CYTIP: variants seen among roughly 807,000 people sequenced by gnomAD.
The protein encoded by CYTIP is cytohesin 1 interacting protein, also known as cytohesin-interacting protein.
Under a neutral mutation model 43.8 loss-of-function variants are expected in CYTIP, and 26 were observed. That is an observed-to-expected ratio of 0.59 (90% confidence interval 0.44 to 0.82). The LOEUF is 0.82. Among genes scored for constraint, CYTIP ranks in the 40% least tolerant of loss-of-function variants. The pLI, the probability that CYTIP is intolerant of heterozygous loss-of-function variation, is 0.00. For missense variants in CYTIP, 426 were observed against 443.1 expected (o/e 0.96, Z 0.35); for synonymous variants, 162 against 162.9 (o/e 0.99, Z 0.04).
rs1685411904 is a variant in CYTIP at position 157,414,720 on chromosome 2, T to C, written c.*957A>G. ...AGAACAGAGAATTCATAGACTTCAATGGATATTAAATAAAACATGGAGTAA... is the reference window on the plus strand; with the variant it reads ...AGAACAGAGAATTCATAGACTTCAACGGATATTAAATAAAACATGGAGTAA... On this transcript the variant is annotated 3_prime_UTR_variant, in exon 8 of 8. Transcript: ENST00000264192. 1 of 152,064 alleles carries C rather than the reference T, an allele frequency of 6.6e-6. No homozygotes were observed. The highest frequency in any genetic ancestry group is 2.1e-4 in the South Asian group (1 of 4,826). 9.4% of individuals were successfully genotyped at this position (152,064 alleles called of 1,614,324 possible).
At chr2:157,431,525 C>T (rs180840879) in intron 3 of CYTIP, among the ~76,000 whole-genome samples, 8 of 152,236 alleles carry the variant, frequency 5.3e-5, no homozygotes, top group Admixed American at 3.3e-4. Context: ...GAATCCTCAC[C>T]GGTTCATTAG....
At chr2:157,424,408 C>T (rs1490163263) in intron 6 of CYTIP, among the ~76,000 whole-genome samples, 1 of 151,934 alleles carries the variant, frequency 6.6e-6, no homozygotes, top group African/African-American at 2.4e-5. Context: ...GACCTATATG[C>T]ATAAAATTAT....
At chr2:157,427,711 T>C (rs1000764716) in intron 5 of CYTIP, among the ~76,000 whole-genome samples, 1 of 152,248 alleles carries the variant, frequency 6.6e-6, no homozygotes, top group Non-Finnish European at 1.5e-5. Context: ...TATGTGACAA[T>C]GATGGCTGCT....
At chr2:157,434,836 C>CTG (rs1685783367) in intron 1 of CYTIP, 89 bp from the exon 2 acceptor site, 1 of 478,158 alleles carries the variant, frequency 2.1e-6, no homozygotes, top group Non-Finnish European at 4.1e-6. Context: ...CTCTCTCTCT[C>CTG]TCTCTCTCTC....
intron 5 of CYTIP, among the ~76,000 whole-genome samples, chr2:157,430,328 A>T (rs1310500280): frequency 1.3e-5 from 2 of 152,214 alleles, no homozygotes; most frequent in South Asian, 2.1e-4. Flanking sequence ...CTTCCCACAC[A>T]GACGTTTGGG....
rs144109313 is a variant in CYTIP at position 157,416,337 on chromosome 2, C to G, written c.614-194G>C. On this transcript the variant is annotated intron_variant, in intron 7 of 7. Coordinates refer to ENST00000264192, the MANE Select transcript of CYTIP (RefSeq NM_004288.5). The stretch of plus-strand genomic sequence containing the variant: ...AAACCTTATAGTAGGGTTTCCTGAA[C>G]TATTGTTCATAGACCAAGGTTCCAT... 5.7e-3 allele frequency among the ~76,000 whole-genome samples: 866 copies of G among 152,256 alleles called. 8 individuals carry two copies. The highest frequency in any genetic ancestry group is 0.021 in the South Asian group (101 of 4,830).
At chr2:157,435,419 G>A (rs931480930) in intron 1 of CYTIP, among the ~76,000 whole-genome samples, 8 of 152,128 alleles carry the variant, frequency 5.3e-5, no homozygotes, top group African/African-American at 1.7e-4. Flanking sequence ...GAAGACTAAC[G>A]TGAAATTTCC....
chr2:157,420,483 T>C (rs898840396), intron 6 of CYTIP, among the ~76,000 whole-genome samples: 6 of 151,814 alleles, frequency 4.0e-5, no homozygotes, highest in African/African-American at 1.5e-4. Context: ...ACAATTGTAC[T>C]CCACCCCAGG....
chr2:157,429,243 C>T (rs896797428), intron 5 of CYTIP, among the ~76,000 whole-genome samples: 1 of 152,190 alleles, frequency 6.6e-6, no homozygotes, highest in African/African-American at 2.4e-5. Context: ...TTTTCTCTTT[C>T]CCTTGTACAT....
intron 1 of CYTIP, among the ~76,000 whole-genome samples, chr2:157,442,013 T>C (rs1685927030): frequency 6.6e-6 from 1 of 152,142 alleles, no homozygotes; most frequent in Non-Finnish European, 1.5e-5. Context: ...TCTCACCTCC[T>C]ACACACTAAC....
chr2:157,420,453 T>C (rs1685504423), intron 6 of CYTIP, among the ~76,000 whole-genome samples: 1 of 151,636 alleles, frequency 6.6e-6, no homozygotes, highest in African/African-American at 2.4e-5. Context: ...GAGGCAGAGG[T>C]TGTGGTGAGC....
rs749906265 is a variant in CYTIP at position 157,443,929 on chromosome 2, G to A, written c.92C>T (p.Thr31Ile). The change falls in exon 1 of 8, where the codon ACC (threonine) becomes ATC (isoleucine). Residue 31 changes from threonine (T) to isoleucine (I), a missense_variant. Transcript: ENST00000264192. ...GPAYSSYSTL[T>I]GSLTMDDNRR... ...ATTATCGTCCATCGTAAGGCTGCCG[G>A]TGAGTGTGGAGTAAGAGCTATACGC... 4 of 1,614,184 alleles carry A rather than the reference G, an allele frequency of 2.5e-6. No individual in the cohort carries two copies. In the Admixed American group the frequency reaches 6.7e-5, roughly 27 times the overall value.
chr2:157,421,459 A>G (rs907370808), intron 6 of CYTIP, among the ~76,000 whole-genome samples: 1 of 152,234 alleles, frequency 6.6e-6, no homozygotes, highest in Non-Finnish European at 1.5e-5. Flanking sequence ...ATAACATGAT[A>G]TTTAATTTTC....
At chr2:157,421,114 T>C (rs1189702255) in intron 6 of CYTIP, among the ~76,000 whole-genome samples, 1 of 152,228 alleles carries the variant, frequency 6.6e-6, no homozygotes, top group Non-Finnish European at 1.5e-5. Context: ...GTAACCAAGC[T>C]TCCCTATTTT....
At chr2:157,437,352 C>T (rs894200591) in intron 1 of CYTIP, among the ~76,000 whole-genome samples, 1 of 151,108 alleles carries the variant, frequency 6.6e-6, no homozygotes, top group African/African-American at 2.4e-5. Flanking sequence ...AATACCTCAA[C>T]AGAAAAAAAA....
chr2:157,435,606 C>T (rs895004821), intron 1 of CYTIP, among the ~76,000 whole-genome samples: 8 of 152,140 alleles, frequency 5.3e-5, no homozygotes, highest in African/African-American at 1.2e-4. Flanking sequence ...AAAATTGCAG[C>T]AGGTTTTTGT....
chr2:157,430,881 G>C lies in CYTIP; in HGVS notation c.361C>G (p.His121Asp). The C allele has an allele frequency of 6.2e-7, 1 of 1,612,782 alleles. No homozygotes were observed. Residue 121 changes from histidine (H) to aspartate (D), a missense_variant, in exon 4 of 8, where the codon CAC becomes GAC. Physicochemically the swap from His to Asp is moderately conservative, Grantham distance 81. Coordinates refer to ENST00000264192, the MANE Select transcript of CYTIP (RefSeq NM_004288.5). Reference sequence around the variant, plus strand: ...TTACCAGCTTGCAGGCCAGCACAGTGAGCTGGGCTGTCCTCCTGTATTTTG... The same window carrying C: ...TTACCAGCTTGCAGGCCAGCACAGTCAGCTGGGCTGTCCTCCTGTATTTTG... ...ICKIQEDSPA[H>D]CAGLQAGDVL... is the part of the protein sequence containing the mutation.
rs753449208 is a variant in CYTIP, at chr2:157,415,671, A to C, written c.*6T>G. ...ATAAGCTAATTTGAAAGGACACCACAATCCGTCAAAAGCGACTTTCTTCCT... is the reference window on the plus strand; with the variant it reads ...ATAAGCTAATTTGAAAGGACACCACCATCCGTCAAAAGCGACTTTCTTCCT... On this transcript the variant is annotated 3_prime_UTR_variant, in exon 8 of 8. Transcript: ENST00000264192. 24 of 1,583,444 alleles carry C rather than the reference A, an allele frequency of 1.5e-5. 1 individual carries two copies. The South Asian group carries it at 2.7e-4, about 18-fold the overall frequency.
chr2:157,431,220 A>G (rs1685710532), intron 3 of CYTIP, among the ~76,000 whole-genome samples: 2 of 152,236 alleles, frequency 1.3e-5, no homozygotes, highest in Admixed American at 1.3e-4. Context: ...TTTCAAGCCC[A>G]AGATATCACC....
Sources: allele counts gnomAD v4.1 joint callset (sites outside exome capture counted in the v4.1 genomes callset), GRCh38; gene constraint gnomAD v4.1.1; transcripts MANE v1.5; gene names NCBI Gene and HGNC (gene_info 2026-07-23, HGNC 2026-07-21).